CLVS2: variants seen among roughly 807,000 people sequenced by gnomAD.
CLVS2 encodes the protein clavesin 2, also known as clavesin-2.
A neutral mutation model predicts 29.0 loss-of-function variants in CLVS2; 19 were observed. That is an observed-to-expected ratio of 0.66 (90% CI 0.46 to 0.96). CLVS2 has a LOEUF of 0.96. Ranked by LOEUF, CLVS2 falls within the 40% of genes least tolerant of loss-of-function variation. CLVS2 has a pLI of 0.00. For missense variants in CLVS2, 294 were observed against 404.1 expected, an observed-to-expected ratio of 0.73 and a Z score of 2.34; for synonymous variants, 161 against 151.3, an observed-to-expected ratio of 1.06 and a Z score of -0.47.
intron 2 of CLVS2, among the ~76,000 whole-genome samples, chr6:123,004,540 A>G (rs1196721823): frequency 1.3e-5 from 2 of 152,176 alleles, no homozygotes; most frequent in Non-Finnish European, 2.9e-5. Context: ...AAAGCTCCCT[A>G]TTGTGGTGAG....
chr6:123,019,638 A>G (rs981869570), intron 3 of CLVS2, among the ~76,000 whole-genome samples: 1 of 152,060 alleles, frequency 6.6e-6, no homozygotes, highest in Non-Finnish European at 1.5e-5. Context: ...TAAAAAGAAA[A>G]AAAAGGTAAA....
chr6:123,009,513 G>A lies in CLVS2; in HGVS notation c.390-1472G>A, dbSNP rs373263770. Among the ~76,000 whole-genome samples, 32 of 152,064 alleles carry A rather than the reference G, an allele frequency of 2.1e-4. 1 individual carries two copies. The South Asian group carries it at 6.6e-3, about 32-fold the overall frequency. ...CTCCTAGCACATCCAAGTGTTTTTA[G>A]AAGTAAAAATAGACCTACTTCCTCA... On this transcript the variant is annotated intron_variant, in intron 2 of 5. Transcript: ENST00000275162.
At chr6:123,059,159 T>C (rs1772739346) in intron 5 of CLVS2, among the ~76,000 whole-genome samples, 1 of 152,148 alleles carries the variant, frequency 6.6e-6, no homozygotes, top group Admixed American at 6.5e-5. Context: ...TTCTTTTCCT[T>C]CATCTTCAAA....
chr6:123,054,679 A>T (rs1346909766), intron 4 of CLVS2, among the ~76,000 whole-genome samples: 1 of 152,206 alleles, frequency 6.6e-6, no homozygotes, highest in Non-Finnish European at 1.5e-5. Flanking sequence ...TAATTTTGAA[A>T]TAAATATTAT....
intron 5 of CLVS2, among the ~76,000 whole-genome samples, chr6:123,061,868 T>TATATA (rs138551862): frequency 0.12 from 17,889 of 151,920 alleles, 1,282 homozygotes; most frequent in African/African-American, 0.19. Context: ...CCTCAATATT[T>TATATA]ATATATTTAA....
In CLVS2 at chr6:123,071,669, G is replaced by A. The variant is rs1212392691; in HGVS notation, c.*7908G>A. ...TTACTTTTAATGGAAAGGGGAAGAA[G>A]AGGAAGAAAAAGGAAAGACATTGTG... On this transcript the variant is annotated 3_prime_UTR_variant, in exon 6 of 6. Coordinates refer to ENST00000275162, the MANE Select transcript of CLVS2 (RefSeq NM_001010852.4). The A allele has an allele frequency of 1.3e-5, 2 of 151,984 alleles. No individual in the cohort carries two copies. The highest frequency in any genetic ancestry group is 2.9e-5 in the Non-Finnish European group (2 of 67,910). 9.4% of individuals were successfully genotyped at this position (151,984 alleles called of 1,614,324 possible).
intron 3 of CLVS2, among the ~76,000 whole-genome samples, chr6:123,043,645 C>T (rs944664388): frequency 6.6e-6 from 1 of 152,208 alleles, no homozygotes; most frequent in Non-Finnish European, 1.5e-5. Flanking sequence ...GTTTAGGACC[C>T]TAGACAGTGT....
chr6:123,051,832 G>A (rs1417231250), intron 4 of CLVS2, among the ~76,000 whole-genome samples: 4 of 152,114 alleles, frequency 2.6e-5, no homozygotes, highest in African/African-American at 9.7e-5. Flanking sequence ...CTTCTTGCAT[G>A]AAATGGAGGA....
chr6:123,057,334 CTTTTTTTTTTTTTTTTTTTTTT>C (rs71541220), intron 5 of CLVS2, among the ~76,000 whole-genome samples: 3 of 83,698 alleles, frequency 3.6e-5, no homozygotes, highest in Admixed American at 2.8e-4. Context: ...GGATGGTCTT[CTTTTTTTTTTTTTTTTTTTTTT>C]TTTTTTTTTG....
Position 123,055,976 on chromosome 6 carries a change from C to T in CLVS2, c.846C>T (p.Ser282=). 6.2e-7 allele frequency: 1 copy of T among 1,613,898 alleles called. No homozygotes were observed. The highest frequency in any genetic ancestry group is 8.5e-7 in the Non-Finnish European group (1 of 1,179,898). Reference sequence around the variant, plus strand: ...GCGAGTACAATGTAGACTCCTACAGCATGCCTGTGAAGGAAGTAGAGAAGG... The same window carrying T: ...GCGAGTACAATGTAGACTCCTACAGTATGCCTGTGAAGGAAGTAGAGAAGG... ...DDSEYNVDSY[S]MPVKEVEKEL... is the part of the protein sequence containing the mutation. The change falls in exon 5 of 6, where the codon AGC becomes AGT. Residue 282 remains serine (S), a synonymous_variant. Transcript: ENST00000275162.
intron 3 of CLVS2, among the ~76,000 whole-genome samples, chr6:123,033,350 G>C (rs1056065052): frequency 6.6e-6 from 1 of 151,968 alleles, no homozygotes; most frequent in African/African-American, 2.4e-5. Context: ...TTAGAATGTG[G>C]AACTAACAAT....
chr6:123,047,687 G>T (rs1419692715), intron 3 of CLVS2, among the ~76,000 whole-genome samples: 1 of 151,370 alleles, frequency 6.6e-6, no homozygotes, highest in Non-Finnish European at 1.5e-5. Context: ...GCTCTAAATA[G>T]AATTCAGAAG....
intron 4 of CLVS2, among the ~76,000 whole-genome samples, chr6:123,051,642 G>A (rs994444015): frequency 1.3e-5 from 2 of 152,140 alleles, no homozygotes; most frequent in Non-Finnish European, 2.9e-5. Flanking sequence ...GGCCAATGTT[G>A]TCTTCTACTC....
intron 3 of CLVS2, among the ~76,000 whole-genome samples, chr6:123,020,810 TAATC>T (rs1401234232): frequency 3.3e-5 from 5 of 152,086 alleles, no homozygotes; most frequent in African/African-American, 7.2e-5. Flanking sequence ...ATACTTCAAA[TAATC>T]AACTTTCCTC....
intron 3 of CLVS2, among the ~76,000 whole-genome samples, chr6:123,026,588 C>T (rs1014539212): frequency 6.6e-6 from 1 of 152,004 alleles, no homozygotes; most frequent in Non-Finnish European, 1.5e-5. Flanking sequence ...TATAGCAAGA[C>T]CTGAGGAAGC....
chr6:123,064,003 T>C lies in CLVS2; in HGVS notation c.*242T>C, dbSNP rs918399797. 2 of 333,456 alleles carry C rather than the reference T, an allele frequency of 6.0e-6. No homozygotes were observed. The highest frequency in any genetic ancestry group is 4.9e-5 in the Admixed American group (1 of 20,572). 20.7% of individuals were successfully genotyped at this position (333,456 alleles called of 1,614,324 possible). On this transcript the variant is annotated 3_prime_UTR_variant, in exon 6 of 6. Coordinates refer to ENST00000275162, the MANE Select transcript of CLVS2 (RefSeq NM_001010852.4). Reference sequence around the variant, plus strand: ...GTTTGTAAATATAATGTAATCTTCATGTCAAGTTTGTAAATTTCAGTAGTA... The same window carrying C: ...GTTTGTAAATATAATGTAATCTTCACGTCAAGTTTGTAAATTTCAGTAGTA...
chr6:123,013,723 A>G (rs573078627), intron 3 of CLVS2, among the ~76,000 whole-genome samples: 49 of 151,834 alleles, frequency 3.2e-4, no homozygotes, highest in African/African-American at 1.1e-3. Flanking sequence ...GGTTAGTTAC[A>G]TATGTATACA....
At chr6:123,019,996 C>T (rs1019886564) in intron 3 of CLVS2, among the ~76,000 whole-genome samples, 1 of 151,622 alleles carries the variant, frequency 6.6e-6, no homozygotes, top group Non-Finnish European at 1.5e-5. Flanking sequence ...AGACTTTTGA[C>T]AGATTGGATG....
rs1471579167 is a variant in CLVS2 at position 123,069,403 on chromosome 6, ATATG to A, written c.*5646_*5649del. 3.9e-5 allele frequency: 6 copies of A among 152,016 alleles called. No individual in the cohort carries two copies. Among genetic ancestry groups the A allele is most frequent in the African/African-American group, 1.4e-4 (6 of 41,536 alleles). The allele number at this position is 152,016 out of a possible 1,614,324, so 9.4% of individuals were successfully genotyped here. Reference sequence around the variant, plus strand: ...TTGAGAAAGAATGCTTACTCAATAAATATGTATTTGTGTCTTCTGTGAGTTTCCC... The same window carrying A: ...TTGAGAAAGAATGCTTACTCAATAAATATTTGTGTCTTCTGTGAGTTTCCC... On this transcript the variant is annotated 3_prime_UTR_variant, in exon 6 of 6. Transcript: ENST00000275162.
Sources: allele counts gnomAD v4.1 joint callset (sites outside exome capture counted in the v4.1 genomes callset), GRCh38; gene constraint gnomAD v4.1.1; transcripts MANE v1.5; gene names NCBI Gene and HGNC (gene_info 2026-07-23, HGNC 2026-07-21).